TRPS1: variants seen among roughly 807,000 people sequenced by gnomAD.
TRPS1 encodes the protein transcriptional repressor GATA binding 1, also known as zinc finger transcription factor Trps1.
Under a neutral mutation model 101.2 loss-of-function variants are expected in TRPS1, and 6 were observed. The ratio of observed to expected loss-of-function variants is 0.06; its 90% CI spans 0.03 to 0.12. The LOEUF (loss-of-function observed/expected upper bound fraction) is 0.12, where lower values mean the gene tolerates loss of function less well. TRPS1 is among the 10% of genes least tolerant of loss of function. The probability of loss-of-function intolerance (pLI) is 1.00; values close to 1 mark genes in which losing one functional copy is unlikely to be tolerated. For synonymous variants in TRPS1, 578 were observed against 589.8 expected (o/e 0.98, Z 0.29); for missense variants, 1,363 against 1,567.0 (o/e 0.87, Z 2.20).
chr8:115,504,190 A>G (rs761300042), intron 5 of TRPS1, among the ~76,000 whole-genome samples: 1 of 152,194 alleles, frequency 6.6e-6, no homozygotes. Flanking sequence ...CATCTTACTT[A>G]GACTATTTAA....
intron 5 of TRPS1, among the ~76,000 whole-genome samples, chr8:115,421,751 C>G (rs899188803): frequency 2.0e-5 from 3 of 152,172 alleles, no homozygotes; most frequent in Non-Finnish European, 4.4e-5. Context: ...GTGTCCTGAG[C>G]TGTGTCACTA....
rs1431419666 is a variant in TRPS1, at chr8:115,619,544, G to T, written c.554C>A (p.Ala185Asp). ...EETGQAQSGQ[A>D]NCQGLSPVSV... ...AACTGGGCTCAAACCTTGACAATTG[G>T]CTTGACCACTCTGTGCTTGCCCTGT... is the stretch of plus-strand genomic sequence containing the variant. Residue 185 changes from alanine (A) to aspartate (D), a missense_variant, in exon 3 of 7, where the codon GCC (alanine) becomes GAC (aspartate). Physicochemically the swap from Ala to Asp is moderately radical, Grantham distance 126. Around this residue, in one of 5 missense-constraint regions of TRPS1, gnomAD observed 1,020 missense variants for 1,073.0 expected, o/e 0.95. Coordinates refer to ENST00000395715, the MANE Select transcript of TRPS1 (RefSeq NM_014112.5). 1 of 1,614,150 alleles carries T rather than the reference G, an allele frequency of 6.2e-7. No individual in the cohort carries two copies. Among genetic ancestry groups the T allele is most frequent in the South Asian group, 1.1e-5 (1 of 91,078 alleles).
intron 5 of TRPS1, among the ~76,000 whole-genome samples, chr8:115,573,709 T>G (rs1817257553): frequency 6.6e-6 from 1 of 152,174 alleles, no homozygotes; most frequent in African/African-American, 2.4e-5. Flanking sequence ...TGAGATAAAG[T>G]TTTTCAAATA....
At chr8:115,605,447 T>A (rs1818014227) in intron 3 of TRPS1, among the ~76,000 whole-genome samples, 1 of 152,192 alleles carries the variant, frequency 6.6e-6, no homozygotes, top group South Asian at 2.1e-4. Context: ...AATGCAGATG[T>A]TCTCCAAGGA....
At chr8:115,463,876 A>G (rs1814251420) in intron 5 of TRPS1, among the ~76,000 whole-genome samples, 1 of 151,774 alleles carries the variant, frequency 6.6e-6, no homozygotes, top group Non-Finnish European at 1.5e-5. Context: ...TTTGTTTCAA[A>G]GCTAGTATTT....
intron 5 of TRPS1, among the ~76,000 whole-genome samples, chr8:115,545,161 A>G (rs1205146605): frequency 6.6e-6 from 1 of 152,122 alleles, no homozygotes; most frequent in Non-Finnish European, 1.5e-5. Context: ...TTCTTGACAA[A>G]GCTTTCACAC....
At chr8:115,546,839 C>T (rs963762987) in intron 5 of TRPS1, among the ~76,000 whole-genome samples, 2 of 152,112 alleles carry the variant, frequency 1.3e-5, no homozygotes, top group African/African-American at 2.4e-5. Flanking sequence ...GAGGTTCCTT[C>T]GAGATCCAGG....
intron 5 of TRPS1, among the ~76,000 whole-genome samples, chr8:115,458,400 A>G (rs1293817722): frequency 1.3e-5 from 2 of 152,192 alleles, no homozygotes; most frequent in Admixed American, 1.3e-4. Flanking sequence ...CATATAATTA[A>G]TAACAATTTG....
intron 5 of TRPS1, among the ~76,000 whole-genome samples, chr8:115,424,001 T>C (rs754336007): frequency 5.3e-5 from 8 of 152,214 alleles, no homozygotes; most frequent in Non-Finnish European, 1.5e-5. Context: ...TGGCTTAACA[T>C]TTACAGACAT....
At chr8:115,617,591 C>T (rs1377331171) in intron 3 of TRPS1, among the ~76,000 whole-genome samples, 3 of 152,156 alleles carry the variant, frequency 2.0e-5, no homozygotes, top group South Asian at 2.1e-4. Flanking sequence ...CAGACTGAAA[C>T]GCCTGCCGGA....
At chr8:115,648,487 C>T (rs1811477830) in intron 1 of TRPS1, among the ~76,000 whole-genome samples, 1 of 152,194 alleles carries the variant, frequency 6.6e-6, no homozygotes, top group Admixed American at 6.5e-5. Context: ...CACGCAGCTC[C>T]TGTTGTGTCG....
chr8:115,418,201 A>G lies in TRPS1; in HGVS notation c.2823+129T>C. On this transcript the variant is annotated intron_variant, in intron 6 of 6. Transcript: ENST00000395715. The surrounding 1 kb of genome is among the most constrained non-coding windows in gnomAD (Gnocchi z 4.3). ...TTCACCATAAATCACATGTGCACTCAAAGTGACTGTATTAAAACAACCCTG... is the reference window on the plus strand; with the variant it reads ...TTCACCATAAATCACATGTGCACTCGAAGTGACTGTATTAAAACAACCCTG... 6.7e-7 allele frequency: 1 copy of G among 1,495,532 alleles called. No individual in the cohort carries two copies. Among genetic ancestry groups the G allele is most frequent in the Non-Finnish European group, 9.3e-7 (1 of 1,079,006 alleles). The allele number at this position is 1,495,532 out of a possible 1,614,324, so 92.6% of individuals were successfully genotyped here.
chr8:115,603,657 A>T (rs1037640279), intron 4 of TRPS1, among the ~76,000 whole-genome samples: 1 of 152,170 alleles, frequency 6.6e-6, no homozygotes, highest in Non-Finnish European at 1.5e-5. Flanking sequence ...ACATGAGCAT[A>T]CAGTCCAAAA....
chr8:115,657,681 G>A (rs1230694123), intron 1 of TRPS1, among the ~76,000 whole-genome samples: 1 of 152,074 alleles, frequency 6.6e-6, no homozygotes, highest in African/African-American at 2.4e-5. Flanking sequence ...AGAGAGTTTG[G>A]TGGAAGTACT....
At chr8:115,665,634 C>T (rs1021098282) in intron 1 of TRPS1, among the ~76,000 whole-genome samples, 1 of 152,130 alleles carries the variant, frequency 6.6e-6, no homozygotes, top group Admixed American at 6.5e-5. Flanking sequence ...GGTTTTCAAA[C>T]ACGTATGCAG....
At chr8:115,485,214 G>A (rs962236596) in intron 5 of TRPS1, among the ~76,000 whole-genome samples, 9 of 152,194 alleles carry the variant, frequency 5.9e-5, no homozygotes, top group African/African-American at 1.9e-4. Flanking sequence ...AGGGCCACAT[G>A]GGAACTGCCC....
chr8:115,649,118 C>T lies in TRPS1; in HGVS notation c.-122+19427G>A, dbSNP rs553623379. Among the ~76,000 whole-genome samples, 21 of 152,222 alleles carry T rather than the reference C, an allele frequency of 1.4e-4. No homozygotes were observed. The South Asian group carries it at 3.9e-3, about 29-fold the overall frequency. On this transcript the variant is annotated intron_variant, in intron 1 of 6. Transcript: ENST00000395715. The stretch of plus-strand genomic sequence containing the variant: ...TTTTATAACAAGAGACTGCAGATAT[C>T]GCTACAGAAAGAATACCGGTTGTAT...
chr8:115,436,347 C>T (rs1190779317), intron 5 of TRPS1, among the ~76,000 whole-genome samples: 3 of 152,088 alleles, frequency 2.0e-5, no homozygotes, highest in Non-Finnish European at 2.9e-5. Flanking sequence ...AAAATGGCCA[C>T]ATATCTAGTA....
At chr8:115,480,051 T>G (rs1007640527) in intron 5 of TRPS1, among the ~76,000 whole-genome samples, 4 of 152,190 alleles carry the variant, frequency 2.6e-5, no homozygotes, top group Non-Finnish European at 5.9e-5. Context: ...TATACTCTAA[T>G]GGCATAGTAT....
Sources: allele counts gnomAD v4.1 joint callset (sites outside exome capture counted in the v4.1 genomes callset), GRCh38; gene constraint gnomAD v4.1.1; regional missense constraint gnomAD v4.1.1; non-coding constraint Gnocchi (gnomAD v3.1); transcripts MANE v1.5; gene names NCBI Gene and HGNC (gene_info 2026-07-23, HGNC 2026-07-21).